Variants in PAPOLA observed in about 807,000 individuals in gnomAD.
PAPOLA encodes poly(A) polymerase alpha.
Under a neutral mutation model 100.6 loss-of-function variants are expected in PAPOLA, and 15 were observed. The observed-to-expected ratio is 0.15, with a 90% CI of 0.10 to 0.23. The LOEUF is 0.23. Ranked by LOEUF, PAPOLA falls within the 10% of genes least tolerant of loss-of-function variation. The pLI, the probability that PAPOLA is intolerant of heterozygous loss-of-function variation, is 1.00. For missense variants in PAPOLA, 533 were observed against 884.2 expected (o/e 0.60, Z 5.04); for synonymous variants, 293 against 300.0 (o/e 0.98, Z 0.24).
chr14:96,505,560 G>C lies in PAPOLA; in HGVS notation c.8+2960G>C, dbSNP rs557243461. Among the ~76,000 whole-genome samples the C allele has an allele frequency of 7.2e-5, 11 of 152,194 alleles. No individual in the cohort carries two copies. The South Asian group carries it at 2.3e-3, about 32-fold the overall frequency. On this transcript the variant is annotated intron_variant, in intron 1 of 21. Transcript: ENST00000216277. ...AAAAGAGTTACTGCAAGGTTTAGGC[G>C]AGACAATAGCAAAAATGTTTTCGGG...
intron 9 of PAPOLA, chr14:96,533,949 C>T (rs1685078132): frequency 4.1e-6 from 4 of 985,122 alleles, no homozygotes; most frequent in Non-Finnish European, 4.8e-6. Flanking sequence ...CCAGTTTTTA[C>T]CTCTTTCATA....
At chr14:96,521,137 T>C (rs1897929106) in intron 3 of PAPOLA, 65 bp downstream of exon 3, 1 of 780,808 alleles carries the variant, frequency 1.3e-6, no homozygotes, top group South Asian at 1.4e-5. Context: ...GCAAGTGTCT[T>C]ATATAACCTG....
chr14:96,525,376 G>T lies in PAPOLA; in HGVS notation c.316G>T (p.Gly106Ter). 1 of 1,413,218 alleles carries T rather than the reference G, an allele frequency of 7.1e-7. No individual in the cohort carries two copies. Among genetic ancestry groups the T allele is most frequent in the Non-Finnish European group, 9.9e-7 (1 of 1,010,126 alleles). The allele number at this position is 1,413,218 out of a possible 1,614,324, so 87.5% of individuals were successfully genotyped here. A position where few individuals can be genotyped will look rare whatever the true frequency, so the allele number is the denominator to read the frequency against. Residue 106 changes from glycine to a stop codon, truncating the protein, a stop_gained, in exon 4 of 22, where the codon GGA becomes TGA. Coordinates refer to ENST00000216277, the MANE Select transcript of PAPOLA (RefSeq NM_032632.5). LOFTEE classifies it high-confidence loss of function. ...KIFTFGSYRL[G>*]VHTKGADIDA... ...TTTTACATTTGGATCTTACAGATTA[G>T]GAGTGCATACAAAAGGTAAGTATTA...
intron 1 of PAPOLA, among the ~76,000 whole-genome samples, chr14:96,513,852 GTTA>G (rs1472620337): frequency 6.6e-6 from 1 of 152,066 alleles, no homozygotes; most frequent in Non-Finnish European, 1.5e-5. Flanking sequence ...GTGCTATATT[GTTA>G]TTATATAAAA....
At chr14:96,506,757 TC>T (rs1896742931) in intron 1 of PAPOLA, among the ~76,000 whole-genome samples, 1 of 152,266 alleles carries the variant, frequency 6.6e-6, no homozygotes, top group South Asian at 2.1e-4. Flanking sequence ...ACCCATATTT[TC>T]CAAATGACCA....
chr14:96,543,324 TGAGAA>T lies in PAPOLA; in HGVS notation c.1289+434_1289+438del, dbSNP rs1308673542. Among the ~76,000 whole-genome samples, 3 of 152,260 alleles carry T rather than the reference TGAGAA, an allele frequency of 2.0e-5. No individual in the cohort carries two copies. In the East Asian group the frequency reaches 5.8e-4, roughly 29 times the overall value. On this transcript the variant is annotated intron_variant, in intron 14 of 21. Coordinates refer to ENST00000216277, the MANE Select transcript of PAPOLA (RefSeq NM_032632.5). ...TGATTTATGCGTGATTCTGGACTGT[TGAGAA>T]GATAACATAAGAAAAAGCAGAGTCA...
In PAPOLA at chr14:96,507,280, G is replaced by GTTTTTTTTTTTTTTTTTTTTTT. The variant is rs71103533; in HGVS notation, c.8+4684_8+4705dup. ...ACTAAATTTTTTGTTTTGGAAAATA[G>GTTTTTTTTTTTTTTTTTTTTTT]TTTTTTTTTTTTTTTTTTTTTTTTT... is the stretch of plus-strand genomic sequence containing the variant. On this transcript the variant is annotated intron_variant, in intron 1 of 21. Coordinates refer to ENST00000216277, the MANE Select transcript of PAPOLA (RefSeq NM_032632.5). Among the ~76,000 whole-genome samples, 23 of 80,702 alleles carry GTTTTTTTTTTTTTTTTTTTTTT rather than the reference G, an allele frequency of 2.8e-4. 3 individuals carry two copies. The highest frequency in any genetic ancestry group is 9.7e-4 in the African/African-American group (17 of 17,604). 52.9% of individuals were successfully genotyped at this position (80,702 alleles called of 152,430 possible). A position where few individuals can be genotyped will look rare whatever the true frequency, so the allele number is the denominator to read the frequency against.
At chr14:96,520,015 G>T in intron 1 of PAPOLA, 40 bp from the exon 2 acceptor site, 1 of 1,495,320 alleles carries the variant, frequency 6.7e-7, no homozygotes, top group Non-Finnish European at 9.1e-7. Flanking sequence ...TCAAATTGTA[G>T]AATTCTTTTG....
chr14:96,529,589 G>A (rs938602400), intron 6 of PAPOLA, among the ~76,000 whole-genome samples: 2 of 151,968 alleles, frequency 1.3e-5, no homozygotes, highest in African/African-American at 4.8e-5. Flanking sequence ...AGGCATGGTG[G>A]CGTGTGCCTG....
chr14:96,504,515 C>G (rs926809482), intron 1 of PAPOLA: 2 of 152,234 alleles, frequency 1.3e-5, no homozygotes, highest in Non-Finnish European at 2.9e-5. Flanking sequence ...TCAGCCTGGG[C>G]AACATGGCGA....
intron 20 of PAPOLA, among the ~76,000 whole-genome samples, chr14:96,561,926 G>C (rs959644616): frequency 1.4e-5 from 2 of 143,832 alleles, no homozygotes; most frequent in South Asian, 4.5e-4. Context: ...ATGGAGTCTT[G>C]CTCTGTCGCC....
chr14:96,527,687 C>T lies in PAPOLA; in HGVS notation c.441+148C>T, dbSNP rs932474111. The T allele has an allele frequency of 3.7e-5, 23 of 616,554 alleles. No individual in the cohort carries two copies. The African/African-American group carries it at 3.9e-4, about 10-fold the overall frequency. The allele number at this position is 616,554 out of a possible 1,614,324, so 38.2% of individuals were successfully genotyped here. A position where few individuals can be genotyped will look rare whatever the true frequency, so the allele number is the denominator to read the frequency against. On this transcript the variant is annotated intron_variant, in intron 5 of 21. Coordinates refer to ENST00000216277, the MANE Select transcript of PAPOLA (RefSeq NM_032632.5). ...TTGGCATATGTGTTTGTGTTTTATT[C>T]TTTACAGCAAGCCTAAAATTATAAA...
At chr14:96,531,637 A>C in intron 7 of PAPOLA, 51 bp downstream of exon 7, 8 of 1,556,398 alleles carry the variant, frequency 5.1e-6, no homozygotes, top group Non-Finnish European at 7.0e-6. Flanking sequence ...GTCAGATATT[A>C]GTTGTTTTTA....
At chr14:96,528,883 G>A (rs563633039) in intron 6 of PAPOLA, among the ~76,000 whole-genome samples, 1 of 152,300 alleles carries the variant, frequency 6.6e-6, no homozygotes, top group African/African-American at 2.4e-5. Flanking sequence ...GGATTATCAA[G>A]TTCATGTAGT....
chr14:96,507,327 G>A (rs938912371), intron 1 of PAPOLA, among the ~76,000 whole-genome samples: 1 of 113,028 alleles, frequency 8.8e-6, no homozygotes, highest in African/African-American at 3.7e-5. Context: ...TCGTTCTGTC[G>A]CCCAGGCGGG....
intron 1 of PAPOLA, among the ~76,000 whole-genome samples, chr14:96,514,968 C>T (rs1354420751): frequency 6.7e-6 from 1 of 148,666 alleles, no homozygotes; most frequent in Non-Finnish European, 1.5e-5. Context: ...ACTTTGTAGT[C>T]TGTCCTGAAT....
At position 96,542,271 on chromosome 14, in the gene PAPOLA, C is replaced by A; in HGVS notation, c.1144C>A (p.Pro382Thr). The A allele has an allele frequency of 6.2e-7, 1 of 1,602,484 alleles. No individual in the cohort carries two copies. The highest frequency in any genetic ancestry group is 8.5e-7 in the Non-Finnish European group (1 of 1,170,050). Residue 382 changes from proline to threonine, a missense_variant, in exon 13 of 22, where the codon CCA becomes ACA. Transcript: ENST00000216277. ...KHYIVLLASA[P>T]TEKQRLEWVG... ...TTATATTGTACTTCTAGCAAGTGCA[C>A]CAACAGAAAAACAACGCCTGGAATG...
chr14:96,525,238 C>T, intron 3 of PAPOLA, 72 bp from the exon 4 acceptor site: 1 of 740,236 alleles, frequency 1.4e-6, no homozygotes. Context: ...CACTCCCTCA[C>T]CCCAGTATAG....
At position 96,545,968 on chromosome 14, in the gene PAPOLA, C is replaced by G. The variant is rs1003994317; in HGVS notation, c.1399+1710C>G. Among the ~76,000 whole-genome samples, 13 of 152,090 alleles carry G rather than the reference C, an allele frequency of 8.5e-5. No individual in the cohort carries two copies. The East Asian group carries it at 2.5e-3, about 29-fold the overall frequency. On this transcript the variant is annotated intron_variant, in intron 15 of 21. Coordinates refer to ENST00000216277, the MANE Select transcript of PAPOLA (RefSeq NM_032632.5). ...ATCAAAGATTGCACTAATGAACCAT[C>G]AAGATTTTCAAGGATGTTTTAGGTA...
Sources: allele counts gnomAD v4.1 joint callset (sites outside exome capture counted in the v4.1 genomes callset), GRCh38; gene constraint gnomAD v4.1.1; transcripts MANE v1.5; gene names NCBI Gene and HGNC (gene_info 2026-07-23, HGNC 2026-07-21).